The following MOCS2 variants were observed in gnomAD, a reference collection of about 807,000 sequenced individuals.
MOCS2 encodes molybdenum cofactor synthesis 2.
MOCS2 carries 13 observed loss-of-function variants against 21.9 expected under a neutral mutation model. That is an observed-to-expected ratio of 0.59 (90% confidence interval 0.39 to 0.94). The LOEUF is 0.94. Ranked by LOEUF, MOCS2 falls within the 40% of genes least tolerant of loss-of-function variation. MOCS2 has a pLI of 0.00. For synonymous variants in MOCS2, 92 were observed against 80.8 expected, an observed-to-expected ratio of 1.14 and a Z score of -0.74; for missense variants, 227 against 218.3, an observed-to-expected ratio of 1.04 and a Z score of -0.25.
intron 3 of MOCS2, among the ~76,000 whole-genome samples, chr5:53,104,333 A>G (rs1178923125): frequency 6.6e-6 from 1 of 152,224 alleles, no homozygotes; most frequent in Admixed American, 6.5e-5. Context: ...CGAGACTACT[A>G]AAACCTAGCT....
rs1375036528 is a variant in MOCS2 at position 53,102,160 on chromosome 5, A to C, written c.163T>G (p.Ser55Ala). Reference protein sequence around the residue: ...DVINFTAEKLSVDEVSQLVIS... With the variant: ...DVINFTAEKLAVDEVSQLVIS... Reference sequence around the variant, plus strand: ...ACCAACTGTGAGACTTCATCTACTGAAAGTTTCTCGGCAGTAAAGTTTATA... The same window carrying C: ...ACCAACTGTGAGACTTCATCTACTGCAAGTTTCTCGGCAGTAAAGTTTATA... The change falls in exon 4 of 7, where the codon TCA (serine) becomes GCA (alanine). Residue 55 changes from serine (S) to alanine (A), a missense_variant. Physicochemically the swap from Ser to Ala is moderately conservative, Grantham distance 99. Transcript: ENST00000396954. The C allele has an allele frequency of 1.2e-5, 20 of 1,613,312 alleles. No homozygotes were observed. In the African/African-American group the frequency reaches 2.5e-4, roughly 20 times the overall value.
In MOCS2 at chr5:53,098,614, TGC is replaced by T; in HGVS notation, c.553_554del (p.Ala185IlefsTer26). On this transcript the variant is annotated frameshift_variant, in exon 7 of 7. Transcript: ENST00000396954. LOFTEE classifies it high-confidence loss of function. ...AAAACATAAGTGATTAACTGTTGGA[TGC>T]CCAAAAGCACTCTTTGTTTCCTTTC... ...TWKGNKECFW[A>X]SNS The T allele has an allele frequency of 6.2e-7, 1 of 1,613,800 alleles. No homozygotes were observed. The highest frequency in any genetic ancestry group is 8.5e-7 in the Non-Finnish European group (1 of 1,179,740).
Position 53,102,060 on chromosome 5 carries a change from T to C in MOCS2, c.226+37A>G, listed in dbSNP as rs374705055. 3 of 1,603,188 alleles carry C rather than the reference T, an allele frequency of 1.9e-6. No individual in the cohort carries two copies. In the East Asian group the frequency reaches 6.7e-5, roughly 36 times the overall value. ...AAAGCACATGCTAATTTCTATTGTC[T>C]TATACAGTGATAGATGCAATGAAAA... On this transcript the variant is annotated intron_variant, in intron 4 of 6. Coordinates refer to ENST00000396954, the MANE Select transcript of MOCS2 (RefSeq NM_004531.5).
At position 53,098,320 on chromosome 5, in the gene MOCS2, T is replaced by C. The variant is rs1579930366; in HGVS notation, c.*282A>G. On this transcript the variant is annotated 3_prime_UTR_variant, in exon 7 of 7. Coordinates refer to ENST00000396954, the MANE Select transcript of MOCS2 (RefSeq NM_004531.5). ...ACCTCAATGTGTGTTGAGTTACAAT[T>C]AGAAATTAGTCATGGAAGGACATGT... 6.8e-6 allele frequency: 3 copies of C among 443,332 alleles called. No homozygotes were observed. Among genetic ancestry groups the C allele is most frequent in the South Asian group, 2.5e-5 (1 of 40,228 alleles). The allele number at this position is 443,332 out of a possible 1,614,324, so 27.5% of individuals were successfully genotyped here. A position where few individuals can be genotyped will look rare whatever the true frequency, so the allele number is the denominator to read the frequency against.
Position 53,102,190 on chromosome 5 carries a change from C to T in MOCS2, c.133G>A (p.Asp45Asn), listed in dbSNP as rs1295784621. ...TTCTCGGCAGTAAAGTTTATAACAT[C>T]TTTAGATTTCTCTTCAACTTCATCC... is the stretch of plus-strand genomic sequence containing the variant. ...DMDEVEEKSK[D>N]VINFTAEKLS... The change falls in exon 4 of 7, where the codon GAT becomes AAT. Residue 45 changes from aspartate to asparagine, a missense_variant. Asp to Asn is a conservative substitution (Grantham distance 23). Transcript: ENST00000396954. 3 of 1,612,210 alleles carry T rather than the reference C, an allele frequency of 1.9e-6. No individual in the cohort carries two copies. The highest frequency in any genetic ancestry group is 1.7e-6 in the Non-Finnish European group (2 of 1,178,518).
intron 3 of MOCS2, among the ~76,000 whole-genome samples, chr5:53,105,252 G>T (rs1475847354): frequency 2.0e-5 from 3 of 152,040 alleles, no homozygotes; most frequent in Non-Finnish European, 4.4e-5. Flanking sequence ...TTCAAATGCT[G>T]TCTTTTGAAA....
intron 6 of MOCS2, among the ~76,000 whole-genome samples, chr5:53,099,296 A>G (rs1350194009): frequency 1.3e-5 from 2 of 152,178 alleles, no homozygotes; most frequent in African/African-American, 2.4e-5. Flanking sequence ...AATATGCCCC[A>G]ACTCCTGCTC....
Position 53,109,712 on chromosome 5 carries a change from C to T in MOCS2, c.-631G>A. On this transcript the variant is annotated 5_prime_UTR_variant, in exon 1 of 7. Coordinates refer to ENST00000396954, the MANE Select transcript of MOCS2 (RefSeq NM_004531.5). ...CCGCACGCACACCCGCCACCCTTAC[C>T]TGGCACAGCGGCACCATCCCGCCTA... 1.3e-6 allele frequency: 2 copies of T among 1,553,172 alleles called. No individual in the cohort carries two copies. The highest frequency in any genetic ancestry group is 1.7e-6 in the Non-Finnish European group (2 of 1,148,316).
At position 53,098,555 on chromosome 5, in the gene MOCS2, TA is replaced by T. The variant is rs781493363; in HGVS notation, c.*46del. ...AAAAAAATCAAAATGTGATCAATAA[TA>T]ATAGTTTAACAAAGTTAAGATTGCA... On this transcript the variant is annotated 3_prime_UTR_variant, in exon 7 of 7. Coordinates refer to ENST00000396954, the MANE Select transcript of MOCS2 (RefSeq NM_004531.5). The T allele has an allele frequency of 1.3e-5, 20 of 1,507,342 alleles. No homozygotes were observed. Among genetic ancestry groups the T allele is most frequent in the Non-Finnish European group, 1.8e-5 (20 of 1,083,048 alleles). 93.4% of individuals were successfully genotyped at this position (1,507,342 alleles called of 1,614,324 possible).
At chr5:53,103,075 TAA>T (rs1740959138) in intron 3 of MOCS2, among the ~76,000 whole-genome samples, 1 of 152,176 alleles carries the variant, frequency 6.6e-6, no homozygotes, top group African/African-American at 2.4e-5. Context: ...ATTCCTCAGA[TAA>T]AAAGTTTCTT....
At chr5:53,100,206 C>T (rs1008393038) in intron 6 of MOCS2, among the ~76,000 whole-genome samples, 3 of 152,164 alleles carry the variant, frequency 2.0e-5, no homozygotes, top group African/African-American at 7.2e-5. Context: ...TCACTGTTAT[C>T]ACTCATTGAG....
In MOCS2 at chr5:53,107,251, T is replaced by C. The variant is rs1232581438; in HGVS notation, c.-47-30A>G. The C allele has an allele frequency of 2.5e-6, 4 of 1,592,260 alleles. No homozygotes were observed. The South Asian group carries it at 4.5e-5, about 18-fold the overall frequency. On this transcript the variant is annotated intron_variant, in intron 2 of 6. Coordinates refer to ENST00000396954, the MANE Select transcript of MOCS2 (RefSeq NM_004531.5). ...AGGGGAAAAAATATGACTCAAAGTA[T>C]CAACGCTATGATAGACCTCAAATCG...
In MOCS2 at chr5:53,101,344, T is replaced by TA; in HGVS notation, c.377+14dup. ...CAATTACACTTAACTTTTAGAGTGA[T>TA]AAAGGAAATCATACCCAAGTCTATG... On this transcript the variant is annotated intron_variant, in intron 5 of 6. Transcript: ENST00000396954. 1 of 1,612,942 alleles carries TA rather than the reference T, an allele frequency of 6.2e-7. No homozygotes were observed. Among genetic ancestry groups the TA allele is most frequent in the Non-Finnish European group, 8.5e-7 (1 of 1,179,170 alleles).
chr5:53,102,159 G>C lies in MOCS2; in HGVS notation c.164C>G (p.Ser55Ter), dbSNP rs771055660. The stretch of plus-strand genomic sequence containing the variant: ...CACCAACTGTGAGACTTCATCTACT[G>C]AAAGTTTCTCGGCAGTAAAGTTTAT... The part of the protein sequence containing the change: ...DVINFTAEKL[S>*]VDEVSQLVIS... The change falls in exon 4 of 7, where the codon TCA (serine) becomes TGA (stop). Residue 55 changes from serine (S) to a stop codon, truncating the protein, a stop_gained. Transcript: ENST00000396954. LOFTEE classifies it high-confidence loss of function. The C allele has an allele frequency of 9.3e-6, 15 of 1,613,078 alleles. No individual in the cohort carries two copies. Among genetic ancestry groups the C allele is most frequent in the Non-Finnish European group, 1.2e-5 (14 of 1,179,316 alleles).
At chr5:53,104,649 T>A (rs565224370) in intron 3 of MOCS2, among the ~76,000 whole-genome samples, 1 of 152,290 alleles carries the variant, frequency 6.6e-6, no homozygotes, top group African/African-American at 2.4e-5. Context: ...AGTGTTGACA[T>A]GAGAGGCAAT....
intron 3 of MOCS2, among the ~76,000 whole-genome samples, chr5:53,105,741 A>AGTT (rs1741033389): frequency 6.6e-6 from 1 of 152,236 alleles, no homozygotes; most frequent in African/African-American, 2.4e-5. Context: ...ATCTAATTAA[A>AGTT]CTAAAGAGTT....
chr5:53,105,730 G>A (rs1241752303), intron 3 of MOCS2, among the ~76,000 whole-genome samples: 1 of 152,226 alleles, frequency 6.6e-6, no homozygotes, highest in Non-Finnish European at 1.5e-5. Flanking sequence ...TGACAAATGG[G>A]ATCTAATTAA....
chr5:53,098,700 T>C lies in MOCS2; in HGVS notation c.502-33A>G, dbSNP rs752119025. 8.6e-6 allele frequency: 12 copies of C among 1,390,368 alleles called. 1 individual carries two copies. Among genetic ancestry groups the C allele is most frequent in the East Asian group, 2.3e-5 (1 of 43,758 alleles). 86.1% of individuals were successfully genotyped at this position (1,390,368 alleles called of 1,614,324 possible). ...ACAAAATCATAACAGGTATTAAAAATAGACCATTCTACTATACGAATATAA... is the reference window on the plus strand; with the variant it reads ...ACAAAATCATAACAGGTATTAAAAACAGACCATTCTACTATACGAATATAA... On this transcript the variant is annotated intron_variant, in intron 6 of 6. Coordinates refer to ENST00000396954, the MANE Select transcript of MOCS2 (RefSeq NM_004531.5).
intron 6 of MOCS2, among the ~76,000 whole-genome samples, chr5:53,100,009 T>C (rs1740863517): frequency 6.6e-6 from 1 of 152,160 alleles, no homozygotes; most frequent in African/African-American, 2.4e-5. Flanking sequence ...CATTTTTTTT[T>C]CTTCCCTAAA....
Sources: gnomAD v4.1 joint callset for allele counts (sites outside exome capture counted in the v4.1 genomes callset) on GRCh38, gnomAD v4.1.1 for gene constraint, MANE v1.5 for transcripts, NCBI Gene and HGNC (gene_info 2026-07-23, HGNC 2026-07-21) for gene names.